PLCB4: variants seen among roughly 807,000 people sequenced by gnomAD.
The protein encoded by PLCB4 is phospholipase C beta 4.
PLCB4 carries 77 observed loss-of-function variants against 178.8 expected under a neutral mutation model. That is an observed-to-expected ratio of 0.43 (90% CI 0.36 to 0.52). The LOEUF (loss-of-function observed/expected upper bound fraction) is 0.52, where lower values mean the gene tolerates loss of function less well. Among genes scored for constraint, PLCB4 ranks in the 20% least tolerant of loss-of-function variants. The probability of loss-of-function intolerance (pLI) is 0.00; values close to 1 mark genes in which losing one functional copy is unlikely to be tolerated. For synonymous variants in PLCB4, 496 were observed against 490.8 expected, an observed-to-expected ratio of 1.01 and a Z score of -0.14; for missense variants, 1,024 against 1,453.4, an observed-to-expected ratio of 0.70 and a Z score of 4.80.
At chr20:9,236,065 G>A (rs1238038479) in intron 3 of PLCB4, among the ~76,000 whole-genome samples, 9 of 152,126 alleles carry the variant, frequency 5.9e-5, no homozygotes, top group Non-Finnish European at 1.3e-4. Context: ...CCCAATATGC[G>A]GGATCCCCCT....
intron 2 of PLCB4, among the ~76,000 whole-genome samples, chr20:9,163,539 GT>G (rs145119768): frequency 0.028 from 4,069 of 147,218 alleles, 180 homozygotes; most frequent in African/African-American, 0.095. Flanking sequence ...TATCCTCCAT[GT>G]TTTTTTTTTC....
At chr20:9,122,418 G>A (rs1031237373) in intron 2 of PLCB4, among the ~76,000 whole-genome samples, 12 of 151,742 alleles carry the variant, frequency 7.9e-5, no homozygotes, top group African/African-American at 2.9e-4. Flanking sequence ...TTTAATGGTT[G>A]CATACCTTTA....
At chr20:9,248,442 A>G (rs1317772916) in intron 3 of PLCB4, among the ~76,000 whole-genome samples, 1 of 152,164 alleles carries the variant, frequency 6.6e-6, no homozygotes, top group Non-Finnish European at 1.5e-5. Flanking sequence ...GGATAAAGGG[A>G]TAGTTTGTAA....
intron 2 of PLCB4, among the ~76,000 whole-genome samples, chr20:9,118,160 C>T (rs1410875247): frequency 6.6e-5 from 10 of 151,294 alleles, no homozygotes; most frequent in East Asian, 5.9e-4. Flanking sequence ...CGTGCTGGTG[C>T]GCTGCACCCA....
At chr20:9,181,414 T>C (rs112793876) in intron 2 of PLCB4, among the ~76,000 whole-genome samples, 172 of 152,196 alleles carry the variant, frequency 1.1e-3, no homozygotes, top group Middle Eastern at 6.8e-3. Flanking sequence ...TAGGTGTTTT[T>C]CCCTATACCT....
chr20:9,433,699 T>C (rs1249148790), intron 28 of PLCB4, among the ~76,000 whole-genome samples: 1 of 152,254 alleles, frequency 6.6e-6, no homozygotes, highest in Non-Finnish European at 1.5e-5. Context: ...TGAAATGTTT[T>C]GTAACAAAGA....
intron 3 of PLCB4, among the ~76,000 whole-genome samples, chr20:9,231,367 G>C (rs1017956916): frequency 6.6e-6 from 1 of 152,124 alleles, no homozygotes; most frequent in Non-Finnish European, 1.5e-5. Context: ...TGTTGTGTAG[G>C]GGGGTAACTT....
intron 3 of PLCB4, among the ~76,000 whole-genome samples, chr20:9,300,934 G>A (rs1411667324): frequency 6.6e-6 from 1 of 152,010 alleles, no homozygotes; most frequent in African/African-American, 2.4e-5. Context: ...GAGGCCAGAC[G>A]TCTGACATCA....
At chr20:9,360,052 A>C (rs1273766887) in intron 7 of PLCB4, among the ~76,000 whole-genome samples, 3 of 152,206 alleles carry the variant, frequency 2.0e-5, no homozygotes, top group African/African-American at 7.2e-5. Context: ...AGTGTGGGCA[A>C]GCCATTGGGT....
intron 3 of PLCB4, among the ~76,000 whole-genome samples, chr20:9,241,893 T>A (rs1484903592): frequency 6.6e-6 from 1 of 152,214 alleles, no homozygotes; most frequent in South Asian, 2.1e-4. Context: ...CATGCATCTG[T>A]GGTCAGCTAG....
At chr20:9,395,016 A>G (rs2038457172) in intron 18 of PLCB4, among the ~76,000 whole-genome samples, 1 of 151,812 alleles carries the variant, frequency 6.6e-6, no homozygotes, top group Non-Finnish European at 1.5e-5. Context: ...TATTTTGTTT[A>G]CCTTTATCTT....
intron 3 of PLCB4, among the ~76,000 whole-genome samples, chr20:9,304,221 G>A (rs1050926630): frequency 1.3e-5 from 2 of 151,200 alleles, no homozygotes; most frequent in Non-Finnish European, 2.9e-5. Flanking sequence ...TGATTAAGGG[G>A]TGTATGTATG....
At chr20:9,463,091 G>T (rs982893874) in intron 35 of PLCB4, among the ~76,000 whole-genome samples, 5 of 152,204 alleles carry the variant, frequency 3.3e-5, no homozygotes, top group African/African-American at 1.2e-4. Context: ...CTACAAGCCA[G>T]AAGAAAGTAG....
intron 2 of PLCB4, among the ~76,000 whole-genome samples, chr20:9,114,156 G>A (rs1199109901): frequency 6.6e-6 from 1 of 152,186 alleles, no homozygotes; most frequent in African/African-American, 2.4e-5. Flanking sequence ...AGAGGTTGTA[G>A]TGAGCTGAGA....
At chr20:9,115,358 C>A (rs1258482500) in intron 2 of PLCB4, among the ~76,000 whole-genome samples, 1 of 151,618 alleles carries the variant, frequency 6.6e-6, no homozygotes, top group Non-Finnish European at 1.5e-5. Context: ...ATATAACCCT[C>A]CCTATATATT....
intron 39 of PLCB4, among the ~76,000 whole-genome samples, chr20:9,477,430 T>A (rs1236952220): frequency 6.6e-6 from 1 of 152,212 alleles, no homozygotes; most frequent in East Asian, 1.9e-4. Flanking sequence ...TCTTGTAATG[T>A]CCTATGATTC....
At chr20:9,234,138 A>T in intron 3 of PLCB4, among the ~76,000 whole-genome samples, 1 of 152,162 alleles carries the variant, frequency 6.6e-6, no homozygotes, top group East Asian at 1.9e-4. Flanking sequence ...GGCACTGAGG[A>T]TGACTCCCAG....
intron 32 of PLCB4, among the ~76,000 whole-genome samples, chr20:9,449,932 A>C (rs1010900765): frequency 6.6e-6 from 1 of 152,184 alleles, no homozygotes; most frequent in African/African-American, 2.4e-5. Flanking sequence ...TCAGAGTTAC[A>C]TGCTGAGCAA....
chr20:9,237,546 C>T (rs930933713), intron 3 of PLCB4, among the ~76,000 whole-genome samples: 7 of 152,130 alleles, frequency 4.6e-5, no homozygotes, highest in Admixed American at 1.3e-4. Flanking sequence ...CTACTGCCTC[C>T]GACTCTCTGG....
Sources: allele counts gnomAD v4.1 joint callset (sites outside exome capture counted in the v4.1 genomes callset), GRCh38; gene constraint gnomAD v4.1.1; transcripts MANE v1.5; gene names NCBI Gene and HGNC (gene_info 2026-07-23, HGNC 2026-07-21).